Variants in FHIT observed in about 807,000 individuals in gnomAD.
FHIT encodes the protein bis(5'-adenosyl)-triphosphatase.
Under a neutral mutation model 17.9 loss-of-function variants are expected in FHIT, and 19 were observed. That is an observed-to-expected ratio of 1.06 (90% confidence interval 0.74 to 1.56). The LOEUF (loss-of-function observed/expected upper bound fraction) is 1.56. Among genes scored for constraint, FHIT ranks in the 40% most tolerant of loss-of-function variants. FHIT has a pLI of 0.00. For missense variants in FHIT, 248 were observed against 189.2 expected, an observed-to-expected ratio of 1.31 and a Z score of -1.82; for synonymous variants, 81 against 69.7, an observed-to-expected ratio of 1.16 and a Z score of -0.81.
chr3:59,929,506 G>T (rs1705857013), intron 7 of FHIT, among the ~76,000 whole-genome samples: 1 of 151,462 alleles, frequency 6.6e-6, no homozygotes, highest in South Asian at 2.1e-4. Flanking sequence ...GAGTAGCTGG[G>T]ACTACAGGAG....
chr3:60,123,962 CTAAAAATATATA>C (rs1705374648), intron 5 of FHIT, among the ~76,000 whole-genome samples: 4 of 63,314 alleles, frequency 6.3e-5, no homozygotes, highest in African/African-American at 3.0e-4. Context: ...CAGAAATGCA[CTAAAAATATATA>C]TATATATATA....
chr3:61,210,496 T>C (rs2039426124), intron 1 of FHIT, among the ~76,000 whole-genome samples: 1 of 152,234 alleles, frequency 6.6e-6, no homozygotes, highest in African/African-American at 2.4e-5. Flanking sequence ...TACTCAAGCC[T>C]TGGCAATGGC....
At chr3:60,869,784 G>A (rs548294390) in intron 3 of FHIT, among the ~76,000 whole-genome samples, 1 of 152,086 alleles carries the variant, frequency 6.6e-6, no homozygotes, top group Non-Finnish European at 1.5e-5. Flanking sequence ...TTTAAGCAAG[G>A]GCCACCATCA....
intron 8 of FHIT, among the ~76,000 whole-genome samples, chr3:59,912,842 C>A (rs992643671): frequency 4.6e-5 from 7 of 152,104 alleles, no homozygotes; most frequent in Non-Finnish European, 8.8e-5. Context: ...GTAAGCAAGA[C>A]TGTTTCTTTT....
intron 3 of FHIT, among the ~76,000 whole-genome samples, chr3:61,033,106 T>C (rs981858964): frequency 6.6e-6 from 1 of 152,212 alleles, no homozygotes; most frequent in African/African-American, 2.4e-5. Flanking sequence ...TGACTTTTAC[T>C]TAGTCTGCTG....
chr3:60,717,574 C>T (rs1354700411), intron 4 of FHIT, among the ~76,000 whole-genome samples: 1 of 152,132 alleles, frequency 6.6e-6, no homozygotes, highest in Non-Finnish European at 1.5e-5. Flanking sequence ...CACTGCACAC[C>T]TTGCACAAAG....
At chr3:60,535,070 A>C (rs1476104055) in intron 5 of FHIT, among the ~76,000 whole-genome samples, 1 of 152,208 alleles carries the variant, frequency 6.6e-6, no homozygotes, top group African/African-American at 2.4e-5. Context: ...CTAAAAATAC[A>C]AAAATTAGCT....
chr3:61,051,748 G>T (rs1260010175), intron 2 of FHIT, among the ~76,000 whole-genome samples: 3 of 152,148 alleles, frequency 2.0e-5, no homozygotes. Context: ...GGAGTCTCGT[G>T]CCCTTCTGTA....
At chr3:60,357,835 A>AG (rs1699741470) in intron 5 of FHIT, among the ~76,000 whole-genome samples, 3 of 152,190 alleles carry the variant, frequency 2.0e-5, no homozygotes, top group Non-Finnish European at 4.4e-5. Context: ...TCTTTGCATA[A>AG]GACTACCTTG....
intron 8 of FHIT, among the ~76,000 whole-genome samples, chr3:59,898,807 C>A (rs1704192739): frequency 6.6e-6 from 1 of 151,956 alleles, no homozygotes; most frequent in Non-Finnish European, 1.5e-5. Context: ...ACAACAGTGA[C>A]AATAATAGCT....
At chr3:61,176,099 G>A (rs748137527) in intron 2 of FHIT, among the ~76,000 whole-genome samples, 2 of 152,230 alleles carry the variant, frequency 1.3e-5, no homozygotes, top group African/African-American at 4.8e-5. Flanking sequence ...ATACAGAATC[G>A]AAAGGCTGAC....
intron 4 of FHIT, among the ~76,000 whole-genome samples, chr3:60,566,352 A>G (rs2037133478): frequency 6.6e-6 from 1 of 152,184 alleles, no homozygotes; most frequent in South Asian, 2.1e-4. Context: ...AACCAACGAC[A>G]AAAACCACAT....
At chr3:60,601,346 G>C (rs2038440210) in intron 4 of FHIT, among the ~76,000 whole-genome samples, 1 of 152,156 alleles carries the variant, frequency 6.6e-6, no homozygotes, top group Admixed American at 6.5e-5. Context: ...CATCTCCAGA[G>C]TTTCTGATTC....
At chr3:60,927,899 C>T (rs1553770483) in intron 3 of FHIT, among the ~76,000 whole-genome samples, 1 of 152,236 alleles carries the variant, frequency 6.6e-6, no homozygotes. Context: ...AAAGAGAGAT[C>T]AGATTGTTAC....
At chr3:60,168,173 G>C (rs1447125773) in intron 5 of FHIT, among the ~76,000 whole-genome samples, 1 of 152,132 alleles carries the variant, frequency 6.6e-6, no homozygotes, top group African/African-American at 2.4e-5. Context: ...CGGAGGCCTG[G>C]CAATAAACAC....
intron 5 of FHIT, among the ~76,000 whole-genome samples, chr3:60,233,822 G>A (rs578201505): frequency 6.6e-6 from 1 of 152,186 alleles, no homozygotes; most frequent in South Asian, 2.1e-4. Context: ...TTATGAAGGG[G>A]AGTCCCCCTG....
intron 5 of FHIT, among the ~76,000 whole-genome samples, chr3:60,418,463 C>T (rs1702347630): frequency 7.2e-6 from 1 of 138,014 alleles, no homozygotes; most frequent in East Asian, 2.1e-4. Context: ...TTAGACAGCC[C>T]TTACCAAGGT....
In FHIT at chr3:60,418,991, C is replaced by T. The variant is rs114491875; in HGVS notation, c.103+117869G>A. Among the ~76,000 whole-genome samples the T allele has an allele frequency of 2.0e-3, 304 of 152,214 alleles. 6 individuals are homozygous for T. Among genetic ancestry groups the T allele is most frequent in the South Asian group, 0.018 (85 of 4,818 alleles). On this transcript the variant is annotated intron_variant, in intron 5 of 9. Coordinates refer to ENST00000492590, the MANE Select transcript of FHIT (RefSeq NM_002012.4). ...CAATCTGGTTCTGCCTTTTTTAGCC[C>T]GAATGGGAAGTACCTATCCCAAATG... is the stretch of plus-strand genomic sequence containing the variant.
At chr3:60,766,345 T>A (rs1699854010) in intron 4 of FHIT, among the ~76,000 whole-genome samples, 1 of 152,180 alleles carries the variant, frequency 6.6e-6, no homozygotes, top group African/African-American at 2.4e-5. Context: ...ACTTATCCAA[T>A]GGCTCTAACA....
Sources: gnomAD v4.1 joint callset for allele counts (sites outside exome capture counted in the v4.1 genomes callset) on GRCh38, gnomAD v4.1.1 for gene constraint, MANE v1.5 for transcripts, NCBI Gene and HGNC (gene_info 2026-07-23, HGNC 2026-07-21) for gene names.